The following CUX2 variants were observed in gnomAD, a reference collection of about 807,000 sequenced individuals.
CUX2 encodes homeobox protein cut-like 2.
A neutral mutation model predicts 144.8 loss-of-function variants in CUX2; 40 were observed. That is an observed-to-expected ratio of 0.28 (90% confidence interval 0.21 to 0.36). The LOEUF (loss-of-function observed/expected upper bound fraction) is 0.36, where lower values mean the gene tolerates loss of function less well. Among genes scored for constraint, CUX2 ranks in the 10% least tolerant of loss-of-function variants. CUX2 has a pLI of 1.00. For synonymous variants in CUX2, 827 were observed against 875.6 expected, an observed-to-expected ratio of 0.94 and a Z score of 0.98; for missense variants, 1,615 against 1,994.0, an observed-to-expected ratio of 0.81 and a Z score of 3.62.
intron 3 of CUX2, among the ~76,000 whole-genome samples, chr12:111,227,089 C>T (rs577362465): frequency 6.6e-6 from 1 of 152,346 alleles, no homozygotes; most frequent in African/African-American, 2.4e-5. Flanking sequence ...TGTAGCCACT[C>T]TTGCAGTCCT....
chr12:111,197,517 T>A (rs1266513320), intron 1 of CUX2, among the ~76,000 whole-genome samples: 1 of 152,254 alleles, frequency 6.6e-6, no homozygotes, highest in Non-Finnish European at 1.5e-5. Flanking sequence ...AATGCGTACA[T>A]GCTACTGGCT....
Position 111,293,128 on chromosome 12 carries a change from CA to C in CUX2, c.437-308del, listed in dbSNP as rs35086981. Reference sequence around the variant, plus strand: ...TGGGCAACAGACCAAGACTCCGTCTCAAAAAAAAAATAAAAAATAAAAAAAG... The same window carrying C: ...TGGGCAACAGACCAAGACTCCGTCTCAAAAAAAAATAAAAAATAAAAAAAG... On this transcript the variant is annotated intron_variant, in intron 5 of 21. Coordinates refer to ENST00000261726, the MANE Select transcript of CUX2 (RefSeq NM_015267.4). This position sits in a 1 kb window ranked among gnomAD's most constrained non-coding sequence, Gnocchi z 4.5. Among the ~76,000 whole-genome samples the C allele has an allele frequency of 1.4e-5, 2 of 147,324 alleles. No homozygotes were observed. Among genetic ancestry groups the C allele is most frequent in the African/African-American group, 2.5e-5 (1 of 40,260 alleles).
At chr12:111,150,288 A>T (rs569877194) in intron 1 of CUX2, among the ~76,000 whole-genome samples, 65 of 152,232 alleles carry the variant, frequency 4.3e-4, no homozygotes, top group Middle Eastern at 6.8e-3. Flanking sequence ...GGTTAAAAAA[A>T]TTTTTTTAAC....
At chr12:111,123,581 G>C (rs1874835434) in intron 1 of CUX2, among the ~76,000 whole-genome samples, 1 of 152,082 alleles carries the variant, frequency 6.6e-6, no homozygotes, top group Non-Finnish European at 1.5e-5. Context: ...TATTGCCCAG[G>C]CTGGAATGCG....
Position 111,160,381 on chromosome 12 carries a change from G to A in CUX2, c.64-53819G>A, listed in dbSNP as rs1877676158. 6.6e-6 allele frequency among the ~76,000 whole-genome samples: 1 copy of A among 152,186 alleles called. No homozygotes were observed. The highest frequency in any genetic ancestry group is 2.4e-5 in the African/African-American group (1 of 41,464). The stretch of plus-strand genomic sequence containing the variant: ...TCAGAGTGTGTATGGGCAAGCATGT[G>A]TGTGCGGGCATCTGGGCGTATTCGG... On this transcript the variant is annotated intron_variant, in intron 1 of 21. Coordinates refer to ENST00000261726, the MANE Select transcript of CUX2 (RefSeq NM_015267.4). The surrounding 1 kb of genome is among the most constrained non-coding windows in gnomAD (Gnocchi z 4.1).
rs376591668 is a variant in CUX2 at position 111,249,444 on chromosome 12, TG to T, written c.223-14316del. On this transcript the variant is annotated intron_variant, in intron 3 of 21. Coordinates refer to ENST00000261726, the MANE Select transcript of CUX2 (RefSeq NM_015267.4). ...TTTTTAAATTAATAGACCCTTTTTT[TG>T]TTTTTTTTTTTTTTTTTTTAGTGGG... Among the ~76,000 whole-genome samples, 895 of 123,830 alleles carry T rather than the reference TG, an allele frequency of 7.2e-3. 96 individuals are homozygous for T. The highest frequency in any genetic ancestry group is 0.032 in the African/African-American group (786 of 24,942). The allele number at this position is 123,830 out of a possible 152,430, so 81.2% of individuals were successfully genotyped here.
chr12:111,150,724 A>G (rs1211247726), intron 1 of CUX2, among the ~76,000 whole-genome samples: 1 of 132,114 alleles, frequency 7.6e-6, no homozygotes, highest in East Asian at 2.6e-4. Flanking sequence ...GGATCCTTCC[A>G]GAGCTGCCCA....
intron 16 of CUX2, 137 bp from the exon 17 acceptor site, chr12:111,319,875 G>C: frequency 7.7e-7 from 1 of 1,301,746 alleles, no homozygotes; most frequent in South Asian, 1.7e-5. Flanking sequence ...TCATAATTTA[G>C]TTAGCCAATC....
chr12:111,278,666 G>GA (rs1305608387), intron 4 of CUX2, among the ~76,000 whole-genome samples: 10 of 152,208 alleles, frequency 6.6e-5, no homozygotes, highest in African/African-American at 2.2e-4. Flanking sequence ...ACTCGGGAAT[G>GA]AAAAACAAGA....
intron 3 of CUX2, among the ~76,000 whole-genome samples, chr12:111,260,850 C>T (rs527387467): frequency 6.0e-4 from 92 of 152,310 alleles, no homozygotes; most frequent in Admixed American, 1.3e-3. Context: ...TTCCTCAGAC[C>T]CCAGCCACCA....
At chr12:111,144,529 G>C (rs572833752) in intron 1 of CUX2, among the ~76,000 whole-genome samples, 1 of 152,262 alleles carries the variant, frequency 6.6e-6, no homozygotes, top group African/African-American at 2.4e-5. Context: ...CTGGGTTTGT[G>C]GGGGGCTTCT....
At chr12:111,082,795 G>A (rs1361498937) in intron 1 of CUX2, among the ~76,000 whole-genome samples, 3 of 152,216 alleles carry the variant, frequency 2.0e-5, no homozygotes, top group Admixed American at 6.5e-5. Flanking sequence ...TGGGGGCCCT[G>A]AGCAGACTGG....
intron 1 of CUX2, among the ~76,000 whole-genome samples, chr12:111,141,296 G>C (rs929575668): frequency 4.0e-5 from 6 of 151,784 alleles, no homozygotes; most frequent in African/African-American, 1.5e-4. Flanking sequence ...GCTCTTCAAA[G>C]GAGACAAATC....
chr12:111,184,706 A>G (rs1879404181), intron 1 of CUX2, among the ~76,000 whole-genome samples: 1 of 151,726 alleles, frequency 6.6e-6, no homozygotes, highest in Non-Finnish European at 1.5e-5. Context: ...GTGGTGAGCT[A>G]TGACCACACC....
At chr12:111,233,366 G>C (rs1193874054) in intron 3 of CUX2, among the ~76,000 whole-genome samples, 2 of 152,048 alleles carry the variant, frequency 1.3e-5, no homozygotes, top group Non-Finnish European at 2.9e-5. Context: ...AACAGACAAA[G>C]GTTCTTATTT....
Position 111,058,577 on chromosome 12 carries a change from C to CAG in CUX2, c.63+24347_63+24348dup, listed in dbSNP as rs1343250447. 6.6e-5 allele frequency among the ~76,000 whole-genome samples: 10 copies of CAG among 151,764 alleles called. No individual in the cohort carries two copies. The South Asian group carries it at 1.7e-3, about 25-fold the overall frequency. On this transcript the variant is annotated intron_variant, in intron 1 of 21. Coordinates refer to ENST00000261726, the MANE Select transcript of CUX2 (RefSeq NM_015267.4). Reference sequence around the variant, plus strand: ...AGAGAGAGAGAGAGAGACAGACAGACAGAGAGAGAGACAGAGAGGGAGCAA... The same window carrying CAG: ...AGAGAGAGAGAGAGAGACAGACAGACAGAGAGAGAGAGACAGAGAGGGAGCAA...
At chr12:111,176,156 A>G (rs1305246626) in intron 1 of CUX2, among the ~76,000 whole-genome samples, 1 of 149,944 alleles carries the variant, frequency 6.7e-6, no homozygotes, top group Non-Finnish European at 1.5e-5. Flanking sequence ...GGCTTAAGCA[A>G]TCCTCCTGCC....
intron 1 of CUX2, among the ~76,000 whole-genome samples, chr12:111,201,350 GC>G (rs1195926904): frequency 6.6e-6 from 1 of 152,024 alleles, no homozygotes; most frequent in Non-Finnish European, 1.5e-5. Context: ...AACCCCTCTG[GC>G]TCCCAATCGC....
At position 111,310,375 on chromosome 12, in the gene CUX2, C is replaced by T. The variant is rs780670070; in HGVS notation, c.1593C>T (p.Gly531=). 2.0e-5 allele frequency: 32 copies of T among 1,594,522 alleles called. No individual in the cohort carries two copies. Among genetic ancestry groups the T allele is most frequent in the Middle Eastern group, 1.9e-4 (1 of 5,344 alleles). Residue 531 remains glycine (G), a synonymous_variant, in exon 15 of 22, where the codon GGC becomes GGT. Coordinates refer to ENST00000261726, the MANE Select transcript of CUX2 (RefSeq NM_015267.4). The surrounding 1 kb of genome is among the most constrained non-coding windows in gnomAD (Gnocchi z 7.9). ...ATPAPGPEPL[G]GPEPADGGGG... ...CGGCCCCTGGCCCTGAGCCACTGGGCGGTCCTGAGCCCGCGGATGGTGGTG... is the reference window on the plus strand; with the variant it reads ...CGGCCCCTGGCCCTGAGCCACTGGGTGGTCCTGAGCCCGCGGATGGTGGTG...
Sources: gnomAD v4.1 joint callset for allele counts (sites outside exome capture counted in the v4.1 genomes callset) on GRCh38, gnomAD v4.1.1 for gene constraint, Gnocchi (gnomAD v3.1) non-coding constraint, MANE v1.5 for transcripts, NCBI Gene and HGNC (gene_info 2026-07-23, HGNC 2026-07-21) for gene names.